The following LRRC4C variants were observed in gnomAD, a reference collection of about 807,000 sequenced individuals.
The protein encoded by LRRC4C is leucine-rich repeat-containing protein 4C.
In LRRC4C, 5 loss-of-function variants were observed where a neutral mutation model predicts 33.6. The ratio of observed to expected loss-of-function variants is 0.15; its 90% CI spans 0.08 to 0.31. LRRC4C has a LOEUF of 0.31. LRRC4C is among the 10% of genes least tolerant of loss of function. The probability of loss-of-function intolerance (pLI) is 1.00; values close to 1 mark genes in which losing one functional copy is unlikely to be tolerated. For missense variants in LRRC4C, 560 were observed against 796.7 expected (o/e 0.70, Z 3.58); for synonymous variants, 329 against 302.0 (o/e 1.09, Z -0.93).
intron 5 of LRRC4C, among the ~76,000 whole-genome samples, chr11:40,147,204 A>G (rs796228397): frequency 6.6e-6 from 1 of 152,228 alleles, no homozygotes; most frequent in African/African-American, 2.4e-5. Flanking sequence ...AATCCTGGCC[A>G]TCTTGTTAGG....
At chr11:41,415,464 A>G (rs1954642003) in intron 1 of LRRC4C, among the ~76,000 whole-genome samples, 1 of 152,166 alleles carries the variant, frequency 6.6e-6, no homozygotes, top group East Asian at 1.9e-4. Context: ...GTCCTTGTTC[A>G]AGTTTAACCG....
At chr11:40,778,011 C>T (rs1238682822) in intron 2 of LRRC4C, among the ~76,000 whole-genome samples, 2 of 152,152 alleles carry the variant, frequency 1.3e-5, no homozygotes, top group African/African-American at 4.8e-5. Context: ...TTTAATTCAA[C>T]TTACCACCCT....
intron 3 of LRRC4C, among the ~76,000 whole-genome samples, chr11:40,351,366 T>C (rs2137083585): frequency 6.6e-6 from 1 of 152,170 alleles, no homozygotes; most frequent in African/African-American, 2.4e-5. Context: ...GAGAAGAATG[T>C]GCATTCTGCA....
intron 4 of LRRC4C, among the ~76,000 whole-genome samples, chr11:40,242,945 T>C (rs2136107703): frequency 1.3e-5 from 2 of 152,280 alleles, no homozygotes; most frequent in Middle Eastern, 6.8e-3. Flanking sequence ...AAAAATAAGA[T>C]TTTTTATTCC....
At chr11:41,086,656 A>G (rs1157537588) in intron 1 of LRRC4C, among the ~76,000 whole-genome samples, 3 of 152,232 alleles carry the variant, frequency 2.0e-5, no homozygotes, top group African/African-American at 4.8e-5. Context: ...GCTTTCTTAC[A>G]GGCATGGTGA....
At chr11:40,873,381 C>A (rs1954743288) in intron 2 of LRRC4C, among the ~76,000 whole-genome samples, 1 of 152,038 alleles carries the variant, frequency 6.6e-6, no homozygotes, top group Admixed American at 6.6e-5. Flanking sequence ...ACTGCCACAC[C>A]ACCAGATGGA....
chr11:41,116,983 C>T (rs1383411201), intron 1 of LRRC4C, among the ~76,000 whole-genome samples: 1 of 152,092 alleles, frequency 6.6e-6, no homozygotes, highest in East Asian at 1.9e-4. Flanking sequence ...CGTACTTCCA[C>T]ACTTCTTGAA....
chr11:40,686,409 G>A (rs1258339578), intron 2 of LRRC4C, among the ~76,000 whole-genome samples: 1 of 152,066 alleles, frequency 6.6e-6, no homozygotes, highest in Non-Finnish European at 1.5e-5. Context: ...GCACAACCAA[G>A]AGCACATGTT....
intron 2 of LRRC4C, among the ~76,000 whole-genome samples, chr11:40,763,837 G>C (rs1478057217): frequency 6.6e-6 from 1 of 152,118 alleles, no homozygotes; most frequent in Non-Finnish European, 1.5e-5. Context: ...AACCACCATG[G>C]GCTAAAGCAT....
intron 4 of LRRC4C, among the ~76,000 whole-genome samples, chr11:40,311,821 T>C (rs895546848): frequency 1.3e-5 from 2 of 151,856 alleles, no homozygotes; most frequent in Non-Finnish European, 2.9e-5. Flanking sequence ...AGCATGTGCC[T>C]GTAGTCCCAG....
chr11:41,358,143 C>T (rs920167272), intron 1 of LRRC4C, among the ~76,000 whole-genome samples: 4 of 151,958 alleles, frequency 2.6e-5, no homozygotes, highest in African/African-American at 4.8e-5. Context: ...AAAGGCATAC[C>T]AAAGGAGAAA....
chr11:40,432,565 C>T (rs1950977532), intron 3 of LRRC4C, among the ~76,000 whole-genome samples: 1 of 152,186 alleles, frequency 6.6e-6, no homozygotes, highest in African/African-American at 2.4e-5. Context: ...AGAAAACTGG[C>T]AGGCACTGTC....
At chr11:40,965,900 G>A (rs1314263125) in intron 1 of LRRC4C, among the ~76,000 whole-genome samples, 1 of 152,060 alleles carries the variant, frequency 6.6e-6, no homozygotes, top group Non-Finnish European at 1.5e-5. Flanking sequence ...TTCCAATTCT[G>A]TGAAGAAAGT....
chr11:41,120,378 C>T (rs1347368187), intron 1 of LRRC4C, among the ~76,000 whole-genome samples: 1 of 152,178 alleles, frequency 6.6e-6, no homozygotes, highest in African/African-American at 2.4e-5. Flanking sequence ...CTTTCACATT[C>T]ACTCTCTACC....
chr11:40,727,230 T>C (rs1254705402), intron 2 of LRRC4C, among the ~76,000 whole-genome samples: 1 of 151,960 alleles, frequency 6.6e-6, no homozygotes, highest in Non-Finnish European at 1.5e-5. Flanking sequence ...CTTAGACCAA[T>C]GGAACAGAAT....
intron 2 of LRRC4C, among the ~76,000 whole-genome samples, chr11:40,662,510 G>A (rs1376329447): frequency 6.6e-6 from 1 of 152,186 alleles, no homozygotes; most frequent in African/African-American, 2.4e-5. Flanking sequence ...ACTGGGGCAT[G>A]GTCTAGAATA....
chr11:40,766,776 A>G (rs1949493069), intron 2 of LRRC4C, among the ~76,000 whole-genome samples: 1 of 152,068 alleles, frequency 6.6e-6, no homozygotes, highest in South Asian at 2.1e-4. Flanking sequence ...AAAACCTACA[A>G]GAGATACACA....
chr11:40,986,500 G>T (rs1052670254), intron 1 of LRRC4C, among the ~76,000 whole-genome samples: 1 of 152,080 alleles, frequency 6.6e-6, no homozygotes, highest in African/African-American at 2.4e-5. Context: ...TTGAGAAGCT[G>T]AGGATCACTT....
chr11:41,009,035 C>T (rs1205780898), intron 1 of LRRC4C, among the ~76,000 whole-genome samples: 8 of 151,744 alleles, frequency 5.3e-5, no homozygotes, highest in African/African-American at 1.7e-4. Flanking sequence ...AAAGATAACG[C>T]CAACTTTTAA....
Sources: allele counts gnomAD v4.1 joint callset (sites outside exome capture counted in the v4.1 genomes callset), GRCh38; gene constraint gnomAD v4.1.1; transcripts MANE v1.5; gene names NCBI Gene and HGNC (gene_info 2026-07-23, HGNC 2026-07-21).